NYAP2: variants seen among roughly 807,000 people sequenced by gnomAD.
NYAP2 encodes the protein neuronal tyrosine-phosphorylated phosphoinositide-3-kinase adapter 2.
Under a neutral mutation model 50.4 loss-of-function variants are expected in NYAP2, and 23 were observed. The observed-to-expected ratio is 0.46, with a 90% CI of 0.33 to 0.65. NYAP2 has a LOEUF of 0.65. NYAP2 is among the 30% of genes least tolerant of loss of function. The pLI, the probability that NYAP2 is intolerant of heterozygous loss-of-function variation, is 0.02. For missense variants in NYAP2, 885 were observed against 861.0 expected (o/e 1.03, Z -0.35); for synonymous variants, 394 against 365.2 (o/e 1.08, Z -0.90).
intron 4 of NYAP2, among the ~76,000 whole-genome samples, chr2:225,522,970 T>G (rs181698676): frequency 6.6e-6 from 1 of 152,294 alleles, no homozygotes; most frequent in Non-Finnish European, 1.5e-5. Context: ...GAATTAGATT[T>G]TCTTCCAGTG....
chr2:225,556,836 C>T (rs768252300), intron 4 of NYAP2, among the ~76,000 whole-genome samples: 1 of 152,142 alleles, frequency 6.6e-6, no homozygotes, highest in Non-Finnish European at 1.5e-5. Context: ...ATTAGTGATA[C>T]TAATGATTAT....
At chr2:225,603,159 C>A (rs1013663763) in intron 5 of NYAP2, among the ~76,000 whole-genome samples, 1 of 151,990 alleles carries the variant, frequency 6.6e-6, no homozygotes, top group Non-Finnish European at 1.5e-5. Context: ...TACGTTTATG[C>A]CTAAGTATTT....
intron 3 of NYAP2, among the ~76,000 whole-genome samples, chr2:225,452,626 C>A (rs1458288281): frequency 6.6e-6 from 1 of 152,178 alleles, no homozygotes; most frequent in Middle Eastern, 3.2e-3. Context: ...TTGCGGTTTC[C>A]CACTGAATTT....
intron 5 of NYAP2, among the ~76,000 whole-genome samples, chr2:225,589,008 A>G (rs1692441477): frequency 6.6e-6 from 1 of 152,112 alleles, no homozygotes; most frequent in East Asian, 1.9e-4. Flanking sequence ...CCTTTCTTTC[A>G]GATAGTTTTA....
intron 3 of NYAP2, among the ~76,000 whole-genome samples, chr2:225,420,333 A>G (rs1166216748): frequency 6.6e-6 from 1 of 152,214 alleles, no homozygotes; most frequent in African/African-American, 2.4e-5. Context: ...CCACACATTT[A>G]GGCTAAAGTT....
At chr2:225,660,159 C>T in the NYAP2 span, among the ~76,000 whole-genome samples, 1 of 152,146 alleles carries the variant, frequency 6.6e-6, no homozygotes, top group Admixed American at 6.5e-5. Context: ...ATTACTCCTT[C>T]TTTCACAATT....
At chr2:225,536,939 C>T (rs548304732) in intron 4 of NYAP2, among the ~76,000 whole-genome samples, 11 of 152,014 alleles carry the variant, frequency 7.2e-5, no homozygotes, top group South Asian at 2.1e-4. Flanking sequence ...CCACCACGCC[C>T]GGCTTTTTTA....
At chr2:225,518,567 T>A (rs10469784) in intron 4 of NYAP2, among the ~76,000 whole-genome samples, 12,119 of 25,306 alleles carry the variant, frequency 0.48, 4,018 homozygotes, top group African/African-American at 0.67. Flanking sequence ...TATATATATA[T>A]ATTAGCGTGT....
chr2:225,564,620 A>G (rs532509774), intron 4 of NYAP2, among the ~76,000 whole-genome samples: 21 of 152,098 alleles, frequency 1.4e-4, no homozygotes, highest in Non-Finnish European at 2.8e-4. Flanking sequence ...ACTCTTCAAG[A>G]ATGAAGGTAC....
At chr2:225,404,043 T>C (rs1036850841) in intron 2 of NYAP2, among the ~76,000 whole-genome samples, 2 of 152,030 alleles carry the variant, frequency 1.3e-5, no homozygotes, top group Non-Finnish European at 2.9e-5. Context: ...TATCTTGGAA[T>C]TAATCGAAAG....
chr2:225,560,921 C>A (rs1263478618), intron 4 of NYAP2, among the ~76,000 whole-genome samples: 3 of 139,574 alleles, frequency 2.1e-5, no homozygotes, highest in African/African-American at 7.7e-5. Flanking sequence ...CAACAAAGGA[C>A]CTTTCCAAAA....
chr2:225,533,179 T>C (rs1016016711), intron 4 of NYAP2, among the ~76,000 whole-genome samples: 1 of 152,192 alleles, frequency 6.6e-6, no homozygotes, highest in Non-Finnish European at 1.5e-5. Context: ...AAATATTTCT[T>C]ATAAAAATGC....
chr2:225,549,539 T>C (rs1030635547), intron 4 of NYAP2, among the ~76,000 whole-genome samples: 4 of 152,180 alleles, frequency 2.6e-5, no homozygotes, highest in Non-Finnish European at 5.9e-5. Flanking sequence ...GTGCTTGAGA[T>C]GGTTGCTTGT....
At chr2:225,432,440 A>G (rs1689282866) in intron 3 of NYAP2, among the ~76,000 whole-genome samples, 1 of 149,796 alleles carries the variant, frequency 6.7e-6, no homozygotes, top group Non-Finnish European at 1.5e-5. Flanking sequence ...AAATTTATGT[A>G]TATATGTGTG....
In NYAP2 at chr2:225,505,992, T is replaced by C. The variant is rs111832301; in HGVS notation, c.222-7379T>C. ...AGGCATTTGCCAGTTCCTAAAATAG[T>C]CACGGTGGCCAGGGTGATCCAACGT... On this transcript the variant is annotated intron_variant, in intron 3 of 6. Coordinates refer to ENST00000636099, the Ensembl canonical transcript of NYAP2. Among the ~76,000 whole-genome samples the C allele has an allele frequency of 8.0e-3, 1,217 of 152,056 alleles. 22 individuals are homozygous for C. The highest frequency in any genetic ancestry group is 0.028 in the African/African-American group (1,169 of 41,452).
At chr2:225,408,346 T>A (rs1235570606) in intron 2 of NYAP2, among the ~76,000 whole-genome samples, 1 of 152,078 alleles carries the variant, frequency 6.6e-6, no homozygotes, top group Non-Finnish European at 1.5e-5. Context: ...GTTTTTCTTT[T>A]ACTACTACTA....
chr2:225,619,889 A>G (rs926587228), intron 5 of NYAP2, among the ~76,000 whole-genome samples: 15 of 152,236 alleles, frequency 9.9e-5, no homozygotes, highest in African/African-American at 3.6e-4. Flanking sequence ...TAATACATCC[A>G]TTTTTGTAAT....
chr2:225,622,518 C>CTTCT (rs1553557351), intron 5 of NYAP2, among the ~76,000 whole-genome samples: 2,753 of 70,232 alleles, frequency 0.039, 73 homozygotes, highest in South Asian at 0.14. Flanking sequence ...TTCTTTCTTT[C>CTTCT]TTCTTTCTTT....
At chr2:225,701,118 C>A in the NYAP2 span, 1 of 151,752 alleles carries the variant, frequency 6.6e-6, no homozygotes, top group Non-Finnish European at 1.5e-5. Context: ...TGTGCCTATA[C>A]GATTGTCCAC....
Sources: allele counts gnomAD v4.1 joint callset (sites outside exome capture counted in the v4.1 genomes callset), GRCh38; gene constraint gnomAD v4.1.1; transcripts MANE v1.5; gene names NCBI Gene and HGNC (gene_info 2026-07-23, HGNC 2026-07-21).